FGF9: variants seen among roughly 807,000 people sequenced by gnomAD.
FGF9 encodes fibroblast growth factor 9, also known as fibroblast growth factor 9 (glia-activating factor).
Under a neutral mutation model 19.9 loss-of-function variants are expected in FGF9, and 3 were observed. The observed-to-expected ratio is 0.15, with a 90% CI of 0.07 to 0.39. The LOEUF (loss-of-function observed/expected upper bound fraction) is 0.39, where lower values mean the gene tolerates loss of function less well. Ranked by LOEUF, FGF9 falls within the 10% of genes least tolerant of loss-of-function variation. The pLI, the probability that FGF9 is intolerant of heterozygous loss-of-function variation, is 1.00. For missense variants in FGF9, 175 were observed against 256.8 expected (o/e 0.68, Z 2.18); for synonymous variants, 107 against 106.9 (o/e 1.00, Z -0.01).
In FGF9 at chr13:21,671,240, A is replaced by C. The variant is rs1292192247; in HGVS notation, c.-673A>C. The C allele has an allele frequency of 1.7e-5, 4 of 229,186 alleles. No homozygotes were observed. The highest frequency in any genetic ancestry group is 3.4e-5 in the Non-Finnish European group (4 of 118,940). The allele number at this position is 229,186 out of a possible 1,614,324, so 14.2% of individuals were successfully genotyped here. ...CGCCACCCGTTCTAAGCCAATGGAC[A>C]TCTGCCGAGCCTCTGGAGAATCCTG... is the stretch of plus-strand genomic sequence containing the variant. On this transcript the variant is annotated 5_prime_UTR_variant, in exon 1 of 3. Coordinates refer to ENST00000382353, the MANE Select transcript of FGF9 (RefSeq NM_002010.3).
chr13:21,673,689 G>A lies in FGF9; in HGVS notation c.277+1500G>A, dbSNP rs147579718. 4.7e-3 allele frequency among the ~76,000 whole-genome samples: 711 copies of A among 152,110 alleles called. 5 individuals carry two copies. The highest frequency in any genetic ancestry group is 0.015 in the African/African-American group (638 of 41,568). On this transcript the variant is annotated intron_variant, in intron 1 of 2. Coordinates refer to ENST00000382353, the MANE Select transcript of FGF9 (RefSeq NM_002010.3). The stretch of plus-strand genomic sequence containing the variant: ...GCGTTCGATACCAGAACAACAGGCA[G>A]TGGGCGGCCCTGGGTGGGCGAGCGA...
At position 21,696,793 on chromosome 13, in the gene FGF9, T is replaced by C. The variant is rs558236512; in HGVS notation, c.382-4397T>C. Among the ~76,000 whole-genome samples, 4 of 152,356 alleles carry C rather than the reference T, an allele frequency of 2.6e-5. 1 individual carries two copies. The highest frequency in any genetic ancestry group is 7.2e-5 in the African/African-American group (3 of 41,576). On this transcript the variant is annotated intron_variant, in intron 2 of 2. Coordinates refer to ENST00000382353, the MANE Select transcript of FGF9 (RefSeq NM_002010.3). ...AATATTGTATCACTAAGTACTGAAG[T>C]GTGATCCTAAAGAGATTATTTCTGT...
intron 2 of FGF9, among the ~76,000 whole-genome samples, chr13:21,681,907 C>A (rs908734066): frequency 5.9e-5 from 9 of 152,156 alleles, no homozygotes; most frequent in African/African-American, 2.2e-4. Flanking sequence ...TACATTTTTG[C>A]TGAATGTATA....
intron 1 of FGF9, among the ~76,000 whole-genome samples, chr13:21,674,593 C>T (rs1593089679): frequency 6.6e-6 from 1 of 152,048 alleles, no homozygotes; most frequent in Non-Finnish European, 1.5e-5. Flanking sequence ...TCAGCCGAGC[C>T]TGTCTTTGAG....
Position 21,696,275 on chromosome 13 carries a change from C to T in FGF9, c.382-4915C>T, listed in dbSNP as rs17840901. On this transcript the variant is annotated intron_variant, in intron 2 of 2. Transcript: ENST00000382353. The stretch of plus-strand genomic sequence containing the variant: ...AAGTTTTAATTTCAGTTTTTCCCAC[C>T]GCTTGGAATTTGATGATATAAAATG... Among the ~76,000 whole-genome samples, 500 of 152,152 alleles carry T rather than the reference C, an allele frequency of 3.3e-3. 2 individuals carry two copies. Among genetic ancestry groups the T allele is most frequent in the Non-Finnish European group, 5.6e-3 (378 of 67,998 alleles).
intron 2 of FGF9, among the ~76,000 whole-genome samples, chr13:21,685,502 A>G (rs9506722): frequency 0.37 from 56,769 of 152,100 alleles, 10,800 homozygotes; most frequent in East Asian, 0.44. Context: ...ATTGCTAATG[A>G]GTATAACGAT....
intron 1 of FGF9, among the ~76,000 whole-genome samples, chr13:21,679,035 A>G (rs1326963349): frequency 2.0e-5 from 3 of 152,242 alleles, no homozygotes; most frequent in Admixed American, 1.3e-4. Flanking sequence ...CTCATGAAAA[A>G]TGAATCTCAT....
rs1872574989 is a variant in FGF9 at position 21,702,650 on chromosome 13, A to G, written c.*1215A>G. The G allele has an allele frequency of 6.6e-6, 1 of 152,256 alleles. No homozygotes were observed. Among genetic ancestry groups the G allele is most frequent in the Non-Finnish European group, 1.5e-5 (1 of 68,046 alleles). 9.4% of individuals were successfully genotyped at this position (152,256 alleles called of 1,614,324 possible). Reference sequence around the variant, plus strand: ...TTTTTTTTAAAGACGTAAGAATCAGATTAACAGGATCATACTTGTAAACTT... The same window carrying G: ...TTTTTTTTAAAGACGTAAGAATCAGGTTAACAGGATCATACTTGTAAACTT... On this transcript the variant is annotated 3_prime_UTR_variant, in exon 3 of 3. Transcript: ENST00000382353.
chr13:21,673,153 TA>T (rs201910373), intron 1 of FGF9, among the ~76,000 whole-genome samples: 2,456 of 143,638 alleles, frequency 0.017, 26 homozygotes, highest in Middle Eastern at 0.054. Context: ...TTTCCTTACT[TA>T]AAAAAAAAAA....
Position 21,671,307 on chromosome 13 carries a change from TTTA to T in FGF9, c.-595_-593del, listed in dbSNP as rs555608414. The T allele has an allele frequency of 1.9e-5, 7 of 359,070 alleles. No individual in the cohort carries two copies. Among genetic ancestry groups the T allele is most frequent in the African/African-American group, 1.2e-4 (6 of 48,012 alleles). The allele number at this position is 359,070 out of a possible 1,614,324, so 22.2% of individuals were successfully genotyped here. ...GCCTAAAGTTTCTTCTTCTTTTTGT[TTTA>T]TTATTATTATCATTTTTTGGAGGGG... On this transcript the variant is annotated 5_prime_UTR_variant, in exon 1 of 3. Transcript: ENST00000382353.
chr13:21,685,085 A>G (rs1403511118), intron 2 of FGF9, among the ~76,000 whole-genome samples: 1 of 152,190 alleles, frequency 6.6e-6, no homozygotes, highest in East Asian at 1.9e-4. Flanking sequence ...TGAGATTGAG[A>G]GAAGGAAAGA....
In FGF9 at chr13:21,702,673, C is replaced by G. The variant is rs939081515; in HGVS notation, c.*1238C>G. On this transcript the variant is annotated 3_prime_UTR_variant, in exon 3 of 3. Coordinates refer to ENST00000382353, the MANE Select transcript of FGF9 (RefSeq NM_002010.3). ...AGATTAACAGGATCATACTTGTAAA[C>G]TTTTTTTGGTTCACTTGGCTATCAA... 6 of 152,038 alleles carry G rather than the reference C, an allele frequency of 3.9e-5. No individual in the cohort carries two copies. The highest frequency in any genetic ancestry group is 5.9e-5 in the Non-Finnish European group (4 of 68,010). 9.4% of individuals were successfully genotyped at this position (152,038 alleles called of 1,614,324 possible).
Position 21,701,856 on chromosome 13 carries a change from C to A in FGF9, c.*421C>A, listed in dbSNP as rs753016243. 7 of 200,008 alleles carry A rather than the reference C, an allele frequency of 3.5e-5. No homozygotes were observed. The highest frequency in any genetic ancestry group is 6.2e-5 in the Non-Finnish European group (6 of 96,436). The allele number at this position is 200,008 out of a possible 1,614,324, so 12.4% of individuals were successfully genotyped here. On this transcript the variant is annotated 3_prime_UTR_variant, in exon 3 of 3. Coordinates refer to ENST00000382353, the MANE Select transcript of FGF9 (RefSeq NM_002010.3). Reference sequence around the variant, plus strand: ...AGTTGTACTTCATCCTATATCAGCACAGCTGCCATACTTCGACTTATCAGG... The same window carrying A: ...AGTTGTACTTCATCCTATATCAGCAAAGCTGCCATACTTCGACTTATCAGG...
rs61706549 is a variant in FGF9 at position 21,701,709 on chromosome 13, ATG to A, written c.*304_*305del. On this transcript the variant is annotated 3_prime_UTR_variant, in exon 3 of 3. Coordinates refer to ENST00000382353, the MANE Select transcript of FGF9 (RefSeq NM_002010.3). ...GAGACTGAGCGCTAGGAGTGTGTGT[ATG>A]TGTGTGTGTGTGTGTGTGTGTGTGT... 0.1 allele frequency: 35,362 copies of A among 349,070 alleles called. 33 individuals carry two copies. Among genetic ancestry groups the A allele is most frequent in the South Asian group, 0.16 (6,216 of 39,422 alleles). The allele number at this position is 349,070 out of a possible 1,614,324, so 21.6% of individuals were successfully genotyped here. A position where few individuals can be genotyped will look rare whatever the true frequency, so the allele number is the denominator to read the frequency against.
intron 2 of FGF9, 38 bp downstream of exon 2, chr13:21,681,183 T>C: frequency 1.4e-6 from 2 of 1,415,104 alleles, no homozygotes; most frequent in Admixed American, 1.7e-5. Context: ...TTTATCTCCA[T>C]GTTTGATTTG....
rs1447203074 is a variant in FGF9, at chr13:21,671,162, G to A, written c.-751G>A. Among the ~76,000 whole-genome samples the A allele has an allele frequency of 6.6e-6, 1 of 152,222 alleles. No homozygotes were observed. The highest frequency in any genetic ancestry group is 2.4e-5 in the African/African-American group (1 of 41,462). ...AGCCGGCGCGGCAACACCTGTTCGC[G>A]GCAGCCTGGGCGGCACGCGAGCTCC... is the stretch of plus-strand genomic sequence containing the variant. On this transcript the variant is annotated 5_prime_UTR_variant, in exon 1 of 3. Transcript: ENST00000382353.
chr13:21,690,386 C>T (rs1210235102), intron 2 of FGF9, among the ~76,000 whole-genome samples: 4 of 152,140 alleles, frequency 2.6e-5, no homozygotes, highest in Non-Finnish European at 4.4e-5. Context: ...TACCCACGTG[C>T]TTATACACAC....
At chr13:21,695,649 A>G (rs1302321410) in intron 2 of FGF9, among the ~76,000 whole-genome samples, 1 of 151,408 alleles carries the variant, frequency 6.6e-6, no homozygotes, top group African/African-American at 2.4e-5. Flanking sequence ...CCTTGCAACA[A>G]CTCCCATTAA....
rs1418744568 is a variant in FGF9 at position 21,672,266 on chromosome 13, GT to G, written c.277+78del. 6.6e-7 allele frequency: 1 copy of G among 1,507,006 alleles called. No homozygotes were observed. Among genetic ancestry groups the G allele is most frequent in the Non-Finnish European group, 9.2e-7 (1 of 1,085,840 alleles). 93.4% of individuals were successfully genotyped at this position (1,507,006 alleles called of 1,614,324 possible). ...TAACTACCAAGAAGGTGGTGGCCGG[GT>G]GGGGGACGTGGGAAGGGTTCTCCCC... On this transcript the variant is annotated intron_variant, in intron 1 of 2. Coordinates refer to ENST00000382353, the MANE Select transcript of FGF9 (RefSeq NM_002010.3). The surrounding 1 kb of genome is among the most constrained non-coding windows in gnomAD (Gnocchi z 4.2).
Sources: allele counts gnomAD v4.1 joint callset (sites outside exome capture counted in the v4.1 genomes callset), GRCh38; gene constraint gnomAD v4.1.1; non-coding constraint Gnocchi (gnomAD v3.1); transcripts MANE v1.5; gene names NCBI Gene and HGNC (gene_info 2026-07-23, HGNC 2026-07-21).